Variants in CDK15 observed in about 807,000 individuals in gnomAD.
CDK15 encodes cyclin dependent kinase 15.
In CDK15, 62 loss-of-function variants were observed where a neutral mutation model predicts 60.3. The ratio of observed to expected loss-of-function variants is 1.03; its 90% CI spans 0.84 to 1.27. The LOEUF (loss-of-function observed/expected upper bound fraction) is 1.27, where lower values mean the gene tolerates loss of function less well. Among genes scored for constraint, CDK15 ranks in the 50% most tolerant of loss-of-function variants. CDK15 has a pLI of 0.00. For synonymous variants in CDK15, 194 were observed against 195.7 expected, an observed-to-expected ratio of 0.99 and a Z score of 0.07; for missense variants, 541 against 527.8, an observed-to-expected ratio of 1.03 and a Z score of -0.25.
At chr2:201,847,704 T>C (rs992207121) in intron 9 of CDK15, among the ~76,000 whole-genome samples, 3 of 152,170 alleles carry the variant, frequency 2.0e-5, no homozygotes, top group Admixed American at 1.3e-4. Context: ...TGAATGATGT[T>C]CAGGTCTCCT....
intron 8 of CDK15, among the ~76,000 whole-genome samples, chr2:201,846,305 C>G (rs929192716): frequency 6.6e-6 from 1 of 151,974 alleles, no homozygotes; most frequent in African/African-American, 2.4e-5. Flanking sequence ...CCAGCCTGGC[C>G]AAGATGGTGA....
At chr2:201,857,282 G>A (rs944918304) in intron 10 of CDK15, among the ~76,000 whole-genome samples, 11 of 144,894 alleles carry the variant, frequency 7.6e-5, no homozygotes, top group Admixed American at 4.9e-4. Flanking sequence ...GAGAAAATAT[G>A]TTACATTTTA....
At position 201,890,848 on chromosome 2, in the gene CDK15, C is replaced by T; in HGVS notation, c.1262C>T (p.Ser421Phe). The T allele has an allele frequency of 6.2e-7, 1 of 1,613,766 alleles. No homozygotes were observed. Among genetic ancestry groups the T allele is most frequent in the Non-Finnish European group, 8.5e-7 (1 of 1,179,814 alleles). ...LKPEMCDLLA[S>F]YQKGHHPAQF... ...CCAGAAATGTGTGACCTTTTGGCCT[C>T]CTACCAGAAAGGTCACCACCCAGCC... Residue 421 changes from serine to phenylalanine, a missense_variant, in exon 13 of 14, where the codon TCC (serine) becomes TTC (phenylalanine). Coordinates refer to ENST00000652192, the MANE Select transcript of CDK15 (RefSeq NM_001366386.2).
chr2:201,885,829 A>C (rs1292279337), intron 12 of CDK15, among the ~76,000 whole-genome samples: 1 of 152,196 alleles, frequency 6.6e-6, no homozygotes, highest in East Asian at 1.9e-4. Context: ...TTTATTGGAC[A>C]TCTATATGCT....
At position 201,882,666 on chromosome 2, in the gene CDK15, CATGAGTGCACGAGCATG is replaced by C. The variant is rs1248180887; in HGVS notation, c.1198+2500_1198+2516del. 1.6e-5 allele frequency among the ~76,000 whole-genome samples: 2 copies of C among 127,994 alleles called. No individual in the cohort carries two copies. Among genetic ancestry groups the C allele is most frequent in the Admixed American group, 1.6e-4 (2 of 12,364 alleles). The allele number at this position is 127,994 out of a possible 152,430, so 84.0% of individuals were successfully genotyped here. On this transcript the variant is annotated intron_variant, in intron 12 of 13. Coordinates refer to ENST00000652192, the MANE Select transcript of CDK15 (RefSeq NM_001366386.2). The surrounding 1 kb of genome is among the most constrained non-coding windows in gnomAD (Gnocchi z 4.0). The stretch of plus-strand genomic sequence containing the variant: ...GCTTCTGTGTGTGTGTGCTCGTGCA[CATGAGTGCACGAGCATG>C]TGTGTGTGCTTGTGTATGTGTGTGA...
At chr2:201,861,780 C>T (rs1334725558) in intron 10 of CDK15, among the ~76,000 whole-genome samples, 1 of 151,926 alleles carries the variant, frequency 6.6e-6, no homozygotes, top group African/African-American at 2.4e-5. Context: ...AGGCTGGTCT[C>T]GAACTCCTGA....
At chr2:201,883,997 CTCTGT>C (rs1487566343) in intron 12 of CDK15, among the ~76,000 whole-genome samples, 2 of 152,214 alleles carry the variant, frequency 1.3e-5, no homozygotes, top group African/African-American at 4.8e-5. Context: ...ACTGGCTCCG[CTCTGT>C]TCTTTCAGGA....
intron 8 of CDK15, among the ~76,000 whole-genome samples, chr2:201,839,970 TTTTTTGTTTTTG>T (rs113933590): frequency 0.21 from 31,162 of 150,548 alleles, 3,413 homozygotes; most frequent in East Asian, 0.37. Flanking sequence ...CTGGGGTTTT[TTTTTTGTTTTTG>T]TTTTTGTTTT....
At chr2:201,876,591 C>A (rs1026642339) in intron 11 of CDK15, 19 of 1,287,596 alleles carry the variant, frequency 1.5e-5, no homozygotes, top group Non-Finnish European at 1.8e-5. Context: ...GAAGGAGAAG[C>A]AAAGTGCAGC....
chr2:201,806,805 G>C lies in CDK15; in HGVS notation c.123+18G>C. On this transcript the variant is annotated intron_variant, in intron 1 of 13. Coordinates refer to ENST00000652192, the MANE Select transcript of CDK15 (RefSeq NM_001366386.2). The stretch of plus-strand genomic sequence containing the variant: ...CGTTCAAGGTATTTGTATCCCAGGA[G>C]AGAGCATCTTTCTCTATTGATAAAC... 6.3e-7 allele frequency: 1 copy of C among 1,597,640 alleles called. No homozygotes were observed. Among genetic ancestry groups the C allele is most frequent in the Non-Finnish European group, 8.5e-7 (1 of 1,179,148 alleles).
At chr2:201,854,736 T>A in intron 9 of CDK15, 138 bp from the exon 10 acceptor site, 1 of 678,848 alleles carries the variant, frequency 1.5e-6, no homozygotes, top group Middle Eastern at 4.0e-4. Context: ...CTCGTATACA[T>A]CAGCTGGTGT....
intron 10 of CDK15, among the ~76,000 whole-genome samples, chr2:201,855,632 T>C (rs1156319267): frequency 6.6e-6 from 1 of 152,076 alleles, no homozygotes; most frequent in Non-Finnish European, 1.5e-5. Flanking sequence ...TGAAGGATCA[T>C]ATTAGAAGCT....
chr2:201,815,075 C>T lies in CDK15; in HGVS notation c.448+2513C>T, dbSNP rs191734948. On this transcript the variant is annotated intron_variant, in intron 4 of 13. Transcript: ENST00000652192. ...CAAGCAATTCTCCTGCCTCAGCCTC[C>T]GGAGTAGCTGGGATTACAGGCATGT... Among the ~76,000 whole-genome samples, 323 of 152,060 alleles carry T rather than the reference C, an allele frequency of 2.1e-3. 2 individuals are homozygous for T. The highest frequency in any genetic ancestry group is 0.01 in the Middle Eastern group (3 of 294).
chr2:201,807,371 G>T (rs1282966265), intron 1 of CDK15, 123 bp from the exon 2 acceptor site: 1 of 1,000,324 alleles, frequency 1.0e-6, no homozygotes, highest in Non-Finnish European at 1.4e-6. Context: ...CCTTTTGGGG[G>T]TACAGGAAGC....
chr2:201,889,639 G>A (rs1049859274), intron 12 of CDK15, among the ~76,000 whole-genome samples: 1 of 152,070 alleles, frequency 6.6e-6, no homozygotes, highest in Non-Finnish European at 1.5e-5. Context: ...GGGAAAATGC[G>A]AACTGCCAGT....
At chr2:201,853,591 GT>G (rs1438768577) in intron 9 of CDK15, among the ~76,000 whole-genome samples, 4 of 152,100 alleles carry the variant, frequency 2.6e-5, no homozygotes, top group Admixed American at 2.0e-4. Context: ...TCTAAAAAGA[GT>G]TATAGTGAGA....
At chr2:201,828,610 G>A (rs1696614630) in intron 6 of CDK15, among the ~76,000 whole-genome samples, 1 of 152,136 alleles carries the variant, frequency 6.6e-6, no homozygotes, top group African/African-American at 2.4e-5. Flanking sequence ...TTTATTGTGG[G>A]TATATGGAGG....
chr2:201,823,585 T>C (rs1696326707), intron 5 of CDK15, 80 bp from the exon 6 acceptor site: 2 of 1,242,034 alleles, frequency 1.6e-6, no homozygotes, highest in Non-Finnish European at 2.4e-6. Context: ...CTTCTGACAG[T>C]CAAGTCAATG....
intron 6 of CDK15, among the ~76,000 whole-genome samples, chr2:201,830,101 C>T (rs1248866814): frequency 2.0e-5 from 3 of 152,136 alleles, no homozygotes; most frequent in Middle Eastern, 3.2e-3. Context: ...AGCCACTGTG[C>T]CTGGCCTATT....
Sources: allele counts gnomAD v4.1 joint callset (sites outside exome capture counted in the v4.1 genomes callset), GRCh38; gene constraint gnomAD v4.1.1; non-coding constraint Gnocchi (gnomAD v3.1); transcripts MANE v1.5; gene names NCBI Gene and HGNC (gene_info 2026-07-23, HGNC 2026-07-21).